KCNMA1: variants seen among roughly 807,000 people sequenced by gnomAD.
KCNMA1 encodes potassium calcium-activated channel subfamily M alpha 1, also known as Calcium-activated potassium channel subunit alpha-1.
In KCNMA1, 29 loss-of-function variants were observed where a neutral mutation model predicts 140.0. That is an observed-to-expected ratio of 0.21 (90% CI 0.15 to 0.28). The LOEUF (loss-of-function observed/expected upper bound fraction) is 0.28. KCNMA1 is among the 10% of genes least tolerant of loss of function. The pLI, the probability that KCNMA1 is intolerant of heterozygous loss-of-function variation, is 1.00. For missense variants in KCNMA1, 880 were observed against 1,602.2 expected (o/e 0.55, Z 7.70); for synonymous variants, 612 against 611.9 (o/e 1.00, Z 0.00).
chr10:76,964,383 C>T (rs941919161), intron 20 of KCNMA1, among the ~76,000 whole-genome samples: 8 of 152,154 alleles, frequency 5.3e-5, no homozygotes, highest in African/African-American at 1.7e-4. Context: ...AGAACCAACA[C>T]GTTCATCAGT....
intron 1 of KCNMA1, among the ~76,000 whole-genome samples, chr10:77,511,802 G>T (rs563400027): frequency 1.3e-5 from 2 of 152,166 alleles, no homozygotes; most frequent in African/African-American, 4.8e-5. Context: ...AGGGGTAAAA[G>T]AATTTACCAA....
At chr10:77,410,106 G>T (rs1358724739) in intron 1 of KCNMA1, among the ~76,000 whole-genome samples, 1 of 152,114 alleles carries the variant, frequency 6.6e-6, no homozygotes, top group Non-Finnish European at 1.5e-5. Flanking sequence ...CTCACAGAAC[G>T]CAGGGCTCAA....
chr10:77,153,065 G>A (rs1343934106), intron 5 of KCNMA1, among the ~76,000 whole-genome samples: 2 of 152,136 alleles, frequency 1.3e-5, no homozygotes, highest in Non-Finnish European at 2.9e-5. Flanking sequence ...CCACTTCCTA[G>A]CCTTGGAAAC....
At chr10:77,397,601 C>T (rs2096103818) in intron 2 of KCNMA1, among the ~76,000 whole-genome samples, 1 of 152,130 alleles carries the variant, frequency 6.6e-6, no homozygotes, top group African/African-American at 2.4e-5. Context: ...TTTCTCTACC[C>T]CCTATTTCTA....
At chr10:77,350,389 G>A (rs1378846863) in intron 2 of KCNMA1, 1 of 152,210 alleles carries the variant, frequency 6.6e-6, no homozygotes, top group Non-Finnish European at 1.5e-5. Flanking sequence ...TGAGCCTGGG[G>A]TGTAGACCAG....
At chr10:77,271,162 T>C (rs1467249279) in intron 2 of KCNMA1, among the ~76,000 whole-genome samples, 1 of 152,210 alleles carries the variant, frequency 6.6e-6, no homozygotes, top group Non-Finnish European at 1.5e-5. Flanking sequence ...TCCTTCAGTT[T>C]TTAGGTTTAT....
At chr10:77,578,065 G>C (rs888697833) in intron 1 of KCNMA1, among the ~76,000 whole-genome samples, 3 of 152,244 alleles carry the variant, frequency 2.0e-5, no homozygotes, top group African/African-American at 7.2e-5. Context: ...GCTTCGGACA[G>C]TGCCTCTGGA....
downstream of KCNMA1, chr10:76,875,093 C>G (rs895502608): frequency 6.6e-6 from 1 of 152,206 alleles, no homozygotes; most frequent in Admixed American, 6.5e-5. Context: ...CAAGTAGGAA[C>G]AAGCCAGGGA....
At chr10:77,049,415 G>A (rs1270911184) in intron 14 of KCNMA1, among the ~76,000 whole-genome samples, 3 of 152,202 alleles carry the variant, frequency 2.0e-5, no homozygotes, top group Non-Finnish European at 2.9e-5. Flanking sequence ...CTGGTACTTA[G>A]TAAGTGCTCC....
At chr10:77,575,013 T>C (rs1163024255) in intron 1 of KCNMA1, among the ~76,000 whole-genome samples, 1 of 152,134 alleles carries the variant, frequency 6.6e-6, no homozygotes, top group Non-Finnish European at 1.5e-5. Flanking sequence ...TCCTAGCCCT[T>C]GGGAGGCAAA....
chr10:77,291,613 C>T (rs2154311704), intron 2 of KCNMA1, among the ~76,000 whole-genome samples: 1 of 152,272 alleles, frequency 6.6e-6, no homozygotes, highest in East Asian at 1.9e-4. Context: ...TCTTTTGCTC[C>T]AGTCGCCTTC....
intron 20 of KCNMA1, among the ~76,000 whole-genome samples, chr10:76,960,376 C>T (rs538853425): frequency 1.1e-4 from 16 of 152,086 alleles, no homozygotes; most frequent in Non-Finnish European, 1.9e-4. Flanking sequence ...CCCATCTCTA[C>T]AAAAAATATA....
At chr10:77,293,395 G>C (rs1402830150) in intron 2 of KCNMA1, among the ~76,000 whole-genome samples, 2 of 152,134 alleles carry the variant, frequency 1.3e-5, no homozygotes, top group Non-Finnish European at 1.5e-5. Context: ...GGTTCTGAGG[G>C]AGAAACGGTG....
At chr10:76,969,861 A>AAG in intron 20 of KCNMA1, 113 bp downstream of exon 20, 1 of 798,130 alleles carries the variant, frequency 1.3e-6, no homozygotes, top group Non-Finnish European at 2.2e-6. Flanking sequence ...CCCCTCCCCC[A>AAG]CCCCGGGCTT....
chr10:77,021,965 T>C (rs974661979), intron 16 of KCNMA1, among the ~76,000 whole-genome samples: 25 of 152,236 alleles, frequency 1.6e-4, no homozygotes, highest in African/African-American at 5.8e-4. Context: ...AAGTCTTCTA[T>C]ACACATTCCA....
intron 1 of KCNMA1, among the ~76,000 whole-genome samples, chr10:77,445,810 G>A (rs1279428366): frequency 6.6e-6 from 1 of 152,316 alleles, no homozygotes; most frequent in South Asian, 2.1e-4. Flanking sequence ...GCAAACAGGC[G>A]ATGGGGCCGC....
intron 23 of KCNMA1, among the ~76,000 whole-genome samples, chr10:76,933,386 A>G (rs755935911): frequency 7.2e-5 from 11 of 152,208 alleles, no homozygotes; most frequent in Non-Finnish European, 1.5e-4. Flanking sequence ...GCAAAACAAT[A>G]GAACAGGCTC....
chr10:77,338,682 G>A (rs1223060044), intron 2 of KCNMA1, among the ~76,000 whole-genome samples: 1 of 152,198 alleles, frequency 6.6e-6, no homozygotes, highest in Non-Finnish European at 1.5e-5. Context: ...CATCAGAATA[G>A]TGCTAGCTTG....
chr10:77,123,353 C>T (rs74643747), intron 5 of KCNMA1, among the ~76,000 whole-genome samples: 1,624 of 152,142 alleles, frequency 0.011, 26 homozygotes, highest in African/African-American at 0.037. Flanking sequence ...TCAAAAAATA[C>T]ATTGTTTGCT....
Sources: allele counts gnomAD v4.1 joint callset (sites outside exome capture counted in the v4.1 genomes callset), GRCh38; gene constraint gnomAD v4.1.1; transcripts MANE v1.5; gene names NCBI Gene and HGNC (gene_info 2026-07-23, HGNC 2026-07-21).